Variants in PCCA observed in about 807,000 individuals in gnomAD.
PCCA encodes the protein propionyl-CoA carboxylase alpha chain, mitochondrial.
In PCCA, 74 loss-of-function variants were observed where a neutral mutation model predicts 101.3. The ratio of observed to expected loss-of-function variants is 0.73; its 90% CI spans 0.61 to 0.89. The LOEUF (loss-of-function observed/expected upper bound fraction) is 0.89, where lower values mean the gene tolerates loss of function less well. Among genes scored for constraint, PCCA ranks in the 40% least tolerant of loss-of-function variants. The pLI, the probability that PCCA is intolerant of heterozygous loss-of-function variation, is 0.00. For synonymous variants in PCCA, 294 were observed against 313.6 expected (o/e 0.94, Z 0.66); for missense variants, 891 against 907.0 (o/e 0.98, Z 0.23).
chr13:100,353,053 G>A (rs1008871973), intron 18 of PCCA, among the ~76,000 whole-genome samples: 1 of 152,236 alleles, frequency 6.6e-6, no homozygotes, highest in African/African-American at 2.4e-5. Context: ...AGACAGAGGG[G>A]TATTTTATAA....
chr13:100,441,680 A>G (rs1002261260), intron 20 of PCCA, among the ~76,000 whole-genome samples: 11 of 152,228 alleles, frequency 7.2e-5, no homozygotes, highest in African/African-American at 2.7e-4. Context: ...AAATAGGAAA[A>G]GGGATGAAAT....
At chr13:100,196,517 C>T (rs1303624810) in intron 6 of PCCA, among the ~76,000 whole-genome samples, 1 of 152,104 alleles carries the variant, frequency 6.6e-6, no homozygotes, top group Non-Finnish European at 1.5e-5. Context: ...ACATAGCTAT[C>T]ATCTGGAAGT....
intron 4 of PCCA, among the ~76,000 whole-genome samples, chr13:100,123,510 G>A (rs903663532): frequency 3.9e-5 from 6 of 152,150 alleles, no homozygotes. Context: ...ACTGTATGAT[G>A]TGAATTTAAA....
At chr13:100,189,567 A>G (rs2057591044) in intron 6 of PCCA, among the ~76,000 whole-genome samples, 1 of 151,924 alleles carries the variant, frequency 6.6e-6, no homozygotes, top group Non-Finnish European at 1.5e-5. Context: ...CTGATTGTTT[A>G]TTTTGCTGTA....
intron 4 of PCCA, among the ~76,000 whole-genome samples, chr13:100,115,889 C>T (rs2048750141): frequency 2.6e-5 from 4 of 152,140 alleles, no homozygotes. Context: ...ACAATGGAAG[C>T]AATTGCACAC....
intron 21 of PCCA, among the ~76,000 whole-genome samples, chr13:100,454,037 A>AT (rs1194634715): frequency 2.6e-5 from 4 of 151,810 alleles, no homozygotes; most frequent in African/African-American, 7.3e-5. Flanking sequence ...CACCCGGCTA[A>AT]TTTTTTTGTA....
At chr13:100,499,718 GACCT>G (rs1254532900) in intron 21 of PCCA, among the ~76,000 whole-genome samples, 5 of 152,238 alleles carry the variant, frequency 3.3e-5, no homozygotes, top group African/African-American at 9.6e-5. Context: ...ACAAAAATAA[GACCT>G]ACGCCTCAGT....
At chr13:100,504,165 C>CA (rs1250359023) in intron 21 of PCCA, among the ~76,000 whole-genome samples, 21 of 152,296 alleles carry the variant, frequency 1.4e-4, no homozygotes, top group African/African-American at 5.1e-4. Flanking sequence ...TGTCAAATTT[C>CA]ACTTGCTCAG....
intron 18 of PCCA, among the ~76,000 whole-genome samples, chr13:100,345,983 A>G (rs1170491020): frequency 2.0e-5 from 3 of 151,574 alleles, no homozygotes; most frequent in South Asian, 4.1e-4. Context: ...ACTTCTCAAA[A>G]AAAAAAAAAT....
chr13:100,147,109 G>T (rs777831836), intron 4 of PCCA, among the ~76,000 whole-genome samples: 4 of 152,018 alleles, frequency 2.6e-5, no homozygotes, highest in Non-Finnish European at 5.9e-5. Context: ...ATAAAACTCT[G>T]CACCTTTATT....
chr13:100,338,675 A>G (rs2070865487), intron 17 of PCCA, among the ~76,000 whole-genome samples: 2 of 149,526 alleles, frequency 1.3e-5, no homozygotes, highest in Non-Finnish European at 3.0e-5. Flanking sequence ...CAATGCCCAT[A>G]AGAGTATGGT....
chr13:100,452,875 GGACCTGAGTGTTA>G (rs1422850142), intron 21 of PCCA, among the ~76,000 whole-genome samples: 3 of 152,028 alleles, frequency 2.0e-5, no homozygotes, highest in Non-Finnish European at 4.4e-5. Context: ...GGCCAATGTA[GGACCTGAGTGTTA>G]GACTTGAAAA....
chr13:100,446,441 T>C (rs2080839566), intron 20 of PCCA, among the ~76,000 whole-genome samples: 1 of 152,262 alleles, frequency 6.6e-6, no homozygotes, highest in Admixed American at 6.5e-5. Flanking sequence ...CATAATACTT[T>C]GTACATTTTG....
intron 11 of PCCA, among the ~76,000 whole-genome samples, chr13:100,272,222 C>A (rs538666538): frequency 1.3e-5 from 2 of 152,192 alleles, no homozygotes; most frequent in East Asian, 1.9e-4. Flanking sequence ...TTATTTGTGG[C>A]AGTTATGTTC....
chr13:100,410,094 C>T (rs1006701917), intron 19 of PCCA, among the ~76,000 whole-genome samples: 10 of 152,024 alleles, frequency 6.6e-5, no homozygotes, highest in African/African-American at 2.2e-4. Context: ...TCAACAAACC[C>T]GTTTCTATGG....
intron 2 of PCCA, among the ~76,000 whole-genome samples, chr13:100,103,837 T>C (rs1344408773): frequency 1.3e-5 from 2 of 152,072 alleles, no homozygotes; most frequent in South Asian, 2.1e-4. Context: ...GGTTTCACCA[T>C]GTTGGCCAGG....
intron 14 of PCCA, among the ~76,000 whole-genome samples, chr13:100,304,824 C>G (rs564851981): frequency 1.3e-4 from 20 of 152,210 alleles, no homozygotes; most frequent in Non-Finnish European, 2.6e-4. Flanking sequence ...AGAATGCATA[C>G]TTAAGAGTTA....
At chr13:100,320,432 G>C (rs2152714474) in intron 16 of PCCA, among the ~76,000 whole-genome samples, 2 of 152,280 alleles carry the variant, frequency 1.3e-5, no homozygotes, top group Middle Eastern at 6.8e-3. Flanking sequence ...TCCAGTTTTT[G>C]CCCATTCAGT....
chr13:100,283,674 C>T (rs564035655), intron 12 of PCCA, among the ~76,000 whole-genome samples: 225 of 151,824 alleles, frequency 1.5e-3, no homozygotes, highest in African/African-American at 5.2e-3. Flanking sequence ...ATAATAGGGA[C>T]CAAGAGGAAC....
Sources: allele counts gnomAD v4.1 joint callset (sites outside exome capture counted in the v4.1 genomes callset), GRCh38; gene constraint gnomAD v4.1.1; transcripts MANE v1.5; gene names NCBI Gene and HGNC (gene_info 2026-07-23, HGNC 2026-07-21).